The following ARHGAP10 variants were observed in gnomAD, a reference collection of about 807,000 sequenced individuals.
The protein encoded by ARHGAP10 is rho GTPase-activating protein 10.
A neutral mutation model predicts 108.6 loss-of-function variants in ARHGAP10; 87 were observed. That is an observed-to-expected ratio of 0.80 (90% CI 0.67 to 0.96). The LOEUF (loss-of-function observed/expected upper bound fraction) is 0.96. ARHGAP10 is among the 40% of genes least tolerant of loss of function. ARHGAP10 has a pLI of 0.00. For synonymous variants in ARHGAP10, 347 were observed against 341.1 expected (o/e 1.02, Z -0.19); for missense variants, 939 against 954.5 (o/e 0.98, Z 0.21).
intron 20 of ARHGAP10, among the ~76,000 whole-genome samples, chr4:148,055,016 G>C (rs1000475878): frequency 6.6e-6 from 1 of 152,204 alleles, no homozygotes; most frequent in East Asian, 1.9e-4. Context: ...CTGAAATGAA[G>C]TTACAGTTCC....
At chr4:147,777,039 T>C (rs942343572) in intron 1 of ARHGAP10, among the ~76,000 whole-genome samples, 1 of 152,358 alleles carries the variant, frequency 6.6e-6, no homozygotes, top group East Asian at 1.9e-4. Flanking sequence ...GGGCGTGTCC[T>C]GGCAGCAGAA....
At chr4:147,776,294 A>C (rs1053231743) in intron 1 of ARHGAP10, among the ~76,000 whole-genome samples, 2 of 151,490 alleles carry the variant, frequency 1.3e-5, no homozygotes, top group African/African-American at 2.4e-5. Context: ...ATCTCGGCTC[A>C]CTGCAACCTC....
intron 1 of ARHGAP10, among the ~76,000 whole-genome samples, chr4:147,756,832 T>C (rs899249628): frequency 6.6e-6 from 1 of 152,128 alleles, no homozygotes; most frequent in African/African-American, 2.4e-5. Flanking sequence ...TATTGTCTTA[T>C]TAGAATTTAC....
At chr4:147,781,905 C>T (rs1435244329) in intron 1 of ARHGAP10, among the ~76,000 whole-genome samples, 1 of 152,104 alleles carries the variant, frequency 6.6e-6, no homozygotes, top group Non-Finnish European at 1.5e-5. Context: ...TATTGCTAAA[C>T]TCTAGGTATC....
At chr4:147,914,026 T>G (rs1001465505) in intron 13 of ARHGAP10, among the ~76,000 whole-genome samples, 1 of 152,004 alleles carries the variant, frequency 6.6e-6, no homozygotes, top group African/African-American at 2.4e-5. Context: ...GGTGCATGCA[T>G]CTATAATCGC....
chr4:147,969,228 T>A (rs1739314202), intron 18 of ARHGAP10, among the ~76,000 whole-genome samples: 1 of 152,144 alleles, frequency 6.6e-6, no homozygotes, highest in Admixed American at 6.5e-5. Context: ...AATGTTGGGT[T>A]CTCATGGAAA....
At chr4:147,805,084 T>C (rs1160736824) in intron 1 of ARHGAP10, among the ~76,000 whole-genome samples, 1 of 152,240 alleles carries the variant, frequency 6.6e-6, no homozygotes, top group Non-Finnish European at 1.5e-5. Flanking sequence ...CTAGGTTTTC[T>C]TCAAGAGTTT....
intron 10 of ARHGAP10, among the ~76,000 whole-genome samples, chr4:147,891,465 A>G (rs1735792533): frequency 2.0e-5 from 3 of 152,184 alleles, no homozygotes; most frequent in Admixed American, 2.0e-4. Context: ...AGAAATGGGG[A>G]GTGATGGCTA....
chr4:147,777,262 C>CT lies in ARHGAP10; in HGVS notation c.154+44822dup, dbSNP rs1003730071. 1.3e-3 allele frequency among the ~76,000 whole-genome samples: 176 copies of CT among 137,372 alleles called. 1 individual carries two copies. Among genetic ancestry groups the CT allele is most frequent in the South Asian group, 2.1e-3 (9 of 4,252 alleles). The allele number at this position is 137,372 out of a possible 152,430, so 90.1% of individuals were successfully genotyped here. A position where few individuals can be genotyped will look rare whatever the true frequency, so the allele number is the denominator to read the frequency against. On this transcript the variant is annotated intron_variant, in intron 1 of 22. Coordinates refer to ENST00000336498, the MANE Select transcript of ARHGAP10 (RefSeq NM_024605.4). ...AATCGTCTGGGTAGGGTGTGATTTT[C>CT]TTTTTTTTTTTTTTTAGACGGAGTC...
At chr4:148,049,795 G>GTTTTTTTTT (rs150272022) in intron 20 of ARHGAP10, among the ~76,000 whole-genome samples, 1 of 132,534 alleles carries the variant, frequency 7.5e-6, no homozygotes, top group African/African-American at 2.8e-5. Flanking sequence ...TCATAAAATT[G>GTTTTTTTTT]TTTTTTTTGT....
chr4:147,769,607 T>G (rs1729991096), intron 1 of ARHGAP10, among the ~76,000 whole-genome samples: 1 of 152,228 alleles, frequency 6.6e-6, no homozygotes, highest in Admixed American at 6.5e-5. Context: ...ACCCTGAGGT[T>G]CCACAAAACC....
At chr4:147,942,331 T>C (rs1444137947) in intron 14 of ARHGAP10, among the ~76,000 whole-genome samples, 1 of 152,226 alleles carries the variant, frequency 6.6e-6, no homozygotes, top group African/African-American at 2.4e-5. Flanking sequence ...TCCAATTCTC[T>C]GTAGTTCTTG....
intron 8 of ARHGAP10, among the ~76,000 whole-genome samples, chr4:147,876,406 T>C (rs1182019850): frequency 6.6e-6 from 1 of 152,092 alleles, no homozygotes; most frequent in African/African-American, 2.4e-5. Flanking sequence ...TCCTGGCTAA[T>C]ACAGTGAAAC....
intron 8 of ARHGAP10, among the ~76,000 whole-genome samples, 178 bp from the exon 9 acceptor site, chr4:147,879,054 G>A (rs1735214333): frequency 6.6e-6 from 1 of 152,202 alleles, no homozygotes; most frequent in Admixed American, 6.5e-5. Context: ...ACAGGCGTGA[G>A]CCACCGTGCC....
chr4:147,951,403 AT>A (rs33957234), intron 15 of ARHGAP10, among the ~76,000 whole-genome samples: 102,531 of 133,760 alleles, frequency 0.77, 40,939 homozygotes, highest in Non-Finnish European at 0.89. Context: ...GGTATAGTTG[AT>A]TTTTTTTTTT....
At chr4:147,760,890 C>T (rs753365794) in intron 1 of ARHGAP10, among the ~76,000 whole-genome samples, 2 of 152,078 alleles carry the variant, frequency 1.3e-5, no homozygotes, top group Non-Finnish European at 2.9e-5. Flanking sequence ...GCCAGCCTGC[C>T]AGACTTGGGC....
At position 147,927,883 on chromosome 4, in the gene ARHGAP10, T is replaced by TG. The variant is rs141933862; in HGVS notation, c.1229-11939dup. On this transcript the variant is annotated intron_variant, in intron 13 of 22. Coordinates refer to ENST00000336498, the MANE Select transcript of ARHGAP10 (RefSeq NM_024605.4). ...TTAGATACTGGGATCGGGAGACCTCTGGGAGAGTGTGGGGCCCCAAAGGTT... is the reference window on the plus strand; with the variant it reads ...TTAGATACTGGGATCGGGAGACCTCTGGGGAGAGTGTGGGGCCCCAAAGGTT... Among the ~76,000 whole-genome samples, 291 of 152,278 alleles carry TG rather than the reference T, an allele frequency of 1.9e-3. 1 individual carries two copies. Among genetic ancestry groups the TG allele is most frequent in the African/African-American group, 5.2e-3 (217 of 41,556 alleles).
chr4:147,940,149 C>G (rs967636226), intron 14 of ARHGAP10, among the ~76,000 whole-genome samples: 4 of 152,188 alleles, frequency 2.6e-5, no homozygotes, highest in African/African-American at 9.7e-5. Flanking sequence ...TCTTCCTGTG[C>G]TTGCTTCTCA....
chr4:147,746,849 G>C (rs1434708024), intron 1 of ARHGAP10, among the ~76,000 whole-genome samples: 1 of 152,054 alleles, frequency 6.6e-6, no homozygotes, highest in Admixed American at 6.5e-5. Context: ...GTCAACTGAT[G>C]GATTTATTTT....
Sources: gnomAD v4.1 joint callset for allele counts (sites outside exome capture counted in the v4.1 genomes callset) on GRCh38, gnomAD v4.1.1 for gene constraint, MANE v1.5 for transcripts, NCBI Gene and HGNC (gene_info 2026-07-23, HGNC 2026-07-21) for gene names.